The following CA10 variants were observed in gnomAD, a reference collection of about 807,000 sequenced individuals.
The protein encoded by CA10 is carbonic anhydrase-related protein 10.
CA10 carries 14 observed loss-of-function variants against 44.2 expected under a neutral mutation model. The ratio of observed to expected loss-of-function variants is 0.32; its 90% CI spans 0.21 to 0.50. The LOEUF is 0.50. Among genes scored for constraint, CA10 ranks in the 20% least tolerant of loss-of-function variants. The pLI, the probability that CA10 is intolerant of heterozygous loss-of-function variation, is 0.99. For missense variants in CA10, 350 were observed against 409.7 expected (o/e 0.85, Z 1.26); for synonymous variants, 159 against 141.6 (o/e 1.12, Z -0.87).
intron 2 of CA10, among the ~76,000 whole-genome samples, chr17:51,995,972 C>A (rs922750025): frequency 2.6e-5 from 4 of 152,026 alleles, no homozygotes; most frequent in African/African-American, 7.2e-5. Flanking sequence ...CACTATTATA[C>A]TGTCAAAAGC....
chr17:51,828,425 ATCT>A (rs1908112194), intron 3 of CA10, among the ~76,000 whole-genome samples: 1 of 152,144 alleles, frequency 6.6e-6, no homozygotes, highest in African/African-American at 2.4e-5. Flanking sequence ...ATACATGTTG[ATCT>A]TCCTCCTCTG....
chr17:51,909,352 T>G lies in CA10; in HGVS notation c.279+21638A>C, dbSNP rs1430269403. Among the ~76,000 whole-genome samples the G allele has an allele frequency of 7.2e-5, 11 of 152,148 alleles. 1 individual carries two copies. Among genetic ancestry groups the G allele is most frequent in the Admixed American group, 7.2e-4 (11 of 15,252 alleles). ...CTTGCAGAATTAGTCACTATTTATCTGAAGACCGAGAATCCAGCTTGTTAC... is the reference window on the plus strand; with the variant it reads ...CTTGCAGAATTAGTCACTATTTATCGGAAGACCGAGAATCCAGCTTGTTAC... On this transcript the variant is annotated intron_variant, in intron 3 of 8. Transcript: ENST00000451037.
At chr17:52,094,927 T>A (rs1394152180) in intron 1 of CA10, among the ~76,000 whole-genome samples, 1 of 152,172 alleles carries the variant, frequency 6.6e-6, no homozygotes, top group Non-Finnish European at 1.5e-5. Context: ...TGATAAAAAC[T>A]ACAAATTTCA....
intron 4 of CA10, among the ~76,000 whole-genome samples, chr17:51,679,883 A>G (rs1044911247): frequency 1.3e-5 from 2 of 152,184 alleles, no homozygotes; most frequent in Non-Finnish European, 2.9e-5. Context: ...AAAAAACTCA[A>G]ACCAAAACAA....
At chr17:51,717,284 A>G (rs965934993) in intron 4 of CA10, among the ~76,000 whole-genome samples, 2 of 151,900 alleles carry the variant, frequency 1.3e-5, no homozygotes, top group African/African-American at 4.8e-5. Context: ...TGATAGGAGC[A>G]TCTTTTGTTC....
intron 2 of CA10, among the ~76,000 whole-genome samples, chr17:52,048,776 G>A (rs1986982988): frequency 6.6e-6 from 1 of 151,960 alleles, no homozygotes; most frequent in African/African-American, 2.4e-5. Flanking sequence ...TACATGCTGG[G>A]GAATTGTGAC....
At chr17:52,035,173 A>T (rs1169260520) in intron 2 of CA10, among the ~76,000 whole-genome samples, 3 of 152,092 alleles carry the variant, frequency 2.0e-5, no homozygotes, top group Non-Finnish European at 4.4e-5. Context: ...TAAACCACCC[A>T]TGGCCCCACC....
intron 2 of CA10, among the ~76,000 whole-genome samples, chr17:52,000,233 G>A (rs142732460): frequency 1.4e-3 from 208 of 152,174 alleles, no homozygotes; most frequent in Non-Finnish European, 2.4e-3. Flanking sequence ...GGCCACTGAT[G>A]TGACGAAGCC....
chr17:52,039,446 A>G (rs970941195), intron 2 of CA10, among the ~76,000 whole-genome samples: 3 of 152,054 alleles, frequency 2.0e-5, no homozygotes, highest in African/African-American at 7.2e-5. Flanking sequence ...TTTTAAAGTG[A>G]TCTGAAACCA....
At chr17:51,672,837 C>T (rs756764) in intron 4 of CA10, among the ~76,000 whole-genome samples, 94,434 of 152,072 alleles carry the variant, frequency 0.62, 29,607 homozygotes, top group Middle Eastern at 0.68. Flanking sequence ...CCTCACCCTG[C>T]CAGTCTCAGT....
intron 2 of CA10, among the ~76,000 whole-genome samples, chr17:52,069,719 G>A (rs1053087986): frequency 1.3e-5 from 2 of 152,196 alleles, no homozygotes; most frequent in African/African-American, 2.4e-5. Flanking sequence ...CCAAAGTGGG[G>A]CATTTGCGTG....
intron 4 of CA10, among the ~76,000 whole-genome samples, chr17:51,663,679 A>G (rs1006720373): frequency 5.9e-5 from 9 of 152,158 alleles, no homozygotes; most frequent in Non-Finnish European, 1.0e-4. Context: ...AGTGCCTGGC[A>G]CAAAGTAAGC....
At chr17:51,907,347 G>C (rs1598111295) in intron 3 of CA10, among the ~76,000 whole-genome samples, 1 of 152,098 alleles carries the variant, frequency 6.6e-6, no homozygotes, top group South Asian at 2.1e-4. Flanking sequence ...GAAGGAAGAG[G>C]TTGGCTCCTC....
chr17:52,036,389 C>G (rs1289086485), intron 2 of CA10, among the ~76,000 whole-genome samples: 1 of 152,038 alleles, frequency 6.6e-6, no homozygotes, highest in African/African-American at 2.4e-5. Context: ...CTTCCAGAAG[C>G]TTGCAGTATA....
At chr17:52,133,080 A>C (rs1196976471) in intron 1 of CA10, among the ~76,000 whole-genome samples, 1 of 152,200 alleles carries the variant, frequency 6.6e-6, no homozygotes, top group Non-Finnish European at 1.5e-5. Context: ...TCCATGTTGC[A>C]TGGAGCTGCT....
chr17:52,119,272 T>C (rs1219382969), intron 1 of CA10, among the ~76,000 whole-genome samples: 2 of 125,014 alleles, frequency 1.6e-5, no homozygotes, highest in Non-Finnish European at 3.6e-5. Flanking sequence ...TAGTTATTTG[T>C]GTCAGTGCAA....
chr17:52,113,886 G>C (rs1218134233), intron 1 of CA10, among the ~76,000 whole-genome samples: 1 of 152,220 alleles, frequency 6.6e-6, no homozygotes, highest in Non-Finnish European at 1.5e-5. Flanking sequence ...GCTGTAATGT[G>C]TAGGTTAGAC....
intron 1 of CA10, among the ~76,000 whole-genome samples, chr17:52,115,552 T>C (rs1339034196): frequency 1.3e-5 from 2 of 152,222 alleles, no homozygotes; most frequent in African/African-American, 4.8e-5. Flanking sequence ...TTCTTTTTAT[T>C]AGGACTGTAA....
intron 4 of CA10, among the ~76,000 whole-genome samples, chr17:51,691,383 T>C (rs1467440964): frequency 6.6e-6 from 1 of 152,244 alleles, no homozygotes; most frequent in Non-Finnish European, 1.5e-5. Flanking sequence ...TTTTGAGAAC[T>C]GTCTGTTCCA....
Sources: allele counts gnomAD v4.1 joint callset (sites outside exome capture counted in the v4.1 genomes callset), GRCh38; gene constraint gnomAD v4.1.1; transcripts MANE v1.5; gene names NCBI Gene and HGNC (gene_info 2026-07-23, HGNC 2026-07-21).